The following IL16 variants were observed in gnomAD, a reference collection of about 807,000 sequenced individuals.
IL16 encodes the protein pro-interleukin-16.
A neutral mutation model predicts 110.1 loss-of-function variants in IL16; 67 were observed. That is an observed-to-expected ratio of 0.61 (90% CI 0.50 to 0.75). IL16 has a LOEUF of 0.75. Ranked by LOEUF, IL16 falls within the 30% of genes least tolerant of loss-of-function variation. The pLI, the probability that IL16 is intolerant of heterozygous loss-of-function variation, is 0.00. For missense variants in IL16, 1,545 were observed against 1,655.0 expected (o/e 0.93, Z 1.15); for synonymous variants, 689 against 662.9 (o/e 1.04, Z -0.61).
chr15:81,302,558 C>G (rs1321596069), intron 15 of IL16, among the ~76,000 whole-genome samples: 1 of 152,064 alleles, frequency 6.6e-6, no homozygotes, highest in East Asian at 1.9e-4. Context: ...GCCTTTGGGT[C>G]TTAGGGGCTC....
chr15:81,225,228 C>G (rs955647189), intron 1 of IL16, 71 bp from the exon 2 acceptor site: 4 of 1,304,242 alleles, frequency 3.1e-6, no homozygotes, highest in South Asian at 1.5e-5. Flanking sequence ...GGCTCAGATC[C>G]AGGACTCGTG....
At chr15:81,283,186 A>C (rs1899271593) in intron 9 of IL16, among the ~76,000 whole-genome samples, 1 of 152,190 alleles carries the variant, frequency 6.6e-6, no homozygotes, top group Non-Finnish European at 1.5e-5. Flanking sequence ...TGTGGCCAGC[A>C]CACCCCTGAC....
chr15:81,247,646 G>GGC (rs1555417579), intron 2 of IL16, among the ~76,000 whole-genome samples: 1 of 152,048 alleles, frequency 6.6e-6, no homozygotes, highest in Non-Finnish European at 1.5e-5. Context: ...ACATTGCTAT[G>GGC]GTGTGTGTGT....
At chr15:81,279,873 A>ATGT in intron 8 of IL16, 99 bp downstream of exon 8, 2 of 1,033,950 alleles carry the variant, frequency 1.9e-6, no homozygotes, top group Admixed American at 2.2e-5. Context: ...GTAGGGCAGG[A>ATGT]TGTTGTCTTT....
chr15:81,295,360 G>T, intron 12 of IL16: 1 of 1,222,846 alleles, frequency 8.2e-7, no homozygotes, highest in Non-Finnish European at 1.1e-6. Flanking sequence ...CCCATGAAGA[G>T]GATGCAATAT....
intron 2 of IL16, among the ~76,000 whole-genome samples, chr15:81,227,877 G>C (rs1445261766): frequency 6.6e-6 from 1 of 152,110 alleles, no homozygotes; most frequent in African/African-American, 2.4e-5. Flanking sequence ...GAGAGAATGA[G>C]AGAAGTAAAC....
At chr15:81,276,154 C>T (rs1898898372) in intron 6 of IL16, among the ~76,000 whole-genome samples, 1 of 152,190 alleles carries the variant, frequency 6.6e-6, no homozygotes, top group South Asian at 2.1e-4. Flanking sequence ...GACTTGGAGT[C>T]TCACAATGAC....
chr15:81,286,987 A>G (rs11635611), intron 10 of IL16, among the ~76,000 whole-genome samples: 24,340 of 152,204 alleles, frequency 0.16, 2,254 homozygotes, highest in Middle Eastern at 0.24. Flanking sequence ...CTTATTCACT[A>G]TCATGAGAAC....
At chr15:81,297,109 AGGGTCTTTT>A in intron 13 of IL16, 31 bp downstream of exon 13, 2 of 1,594,516 alleles carry the variant, frequency 1.3e-6, no homozygotes, top group Non-Finnish European at 8.5e-7. Context: ...TCCAAAAGGA[AGGGTCTTTT>A]GAAAAAAGGT....
intron 1 of IL16, among the ~76,000 whole-genome samples, chr15:81,202,787 G>A (rs1470600447): frequency 2.0e-4 from 31 of 152,124 alleles, no homozygotes; most frequent in African/African-American, 1.2e-4. Flanking sequence ...ATAAACATAC[G>A]TGTGCATGTG....
intron 2 of IL16, among the ~76,000 whole-genome samples, chr15:81,229,610 C>T (rs977482561): frequency 3.3e-5 from 5 of 152,108 alleles, no homozygotes; most frequent in Non-Finnish European, 7.4e-5. Flanking sequence ...TTTCAGTTGC[C>T]TAAGCAAGTC....
At chr15:81,212,130 C>CTT (rs143918836) in intron 1 of IL16, among the ~76,000 whole-genome samples, 4 of 145,884 alleles carry the variant, frequency 2.7e-5, no homozygotes, top group South Asian at 2.2e-4. Flanking sequence ...TTGTCTAGGG[C>CTT]TTTTTTTTTT....
At chr15:81,244,565 G>A (rs1230733861) in intron 2 of IL16, among the ~76,000 whole-genome samples, 1 of 151,954 alleles carries the variant, frequency 6.6e-6, no homozygotes, top group East Asian at 1.9e-4. Flanking sequence ...TCTGAATTGA[G>A]TTTCCTTTAT....
At chr15:81,261,365 G>A (rs986274695) in intron 3 of IL16, among the ~76,000 whole-genome samples, 8 of 152,262 alleles carry the variant, frequency 5.3e-5, no homozygotes, top group Admixed American at 3.3e-4. Context: ...TGGCTCCCTG[G>A]CATCCCCAGG....
Position 81,265,737 on chromosome 15 carries a change from A to ACTCT in IL16, c.505_508dup (p.Cys170SerfsTer4), listed in dbSNP as rs1898349764. ...GCAGCGCCCACGGACAGGCAGCCTT[A>ACTCT]CTCTCTCTGCAGTAACAGGAAGTCC... On this transcript the variant is annotated frameshift_variant, in exon 4 of 19. Transcript: ENST00000683961. LOFTEE classifies it high-confidence loss of function. The ACTCT allele has an allele frequency of 1.9e-6, 3 of 1,613,800 alleles. No homozygotes were observed. The South Asian group carries it at 3.3e-5, about 18-fold the overall frequency.
intron 2 of IL16, among the ~76,000 whole-genome samples, chr15:81,258,134 G>C (rs1898015831): frequency 6.6e-6 from 1 of 152,070 alleles, no homozygotes; most frequent in Non-Finnish European, 1.5e-5. Flanking sequence ...AGAATAACCA[G>C]AAAACAGCTT....
At chr15:81,190,542 T>C (rs1292826619) in intron 1 of IL16, among the ~76,000 whole-genome samples, 3 of 152,128 alleles carry the variant, frequency 2.0e-5, no homozygotes, top group Non-Finnish European at 4.4e-5. Flanking sequence ...CTCCCTTTCT[T>C]ATAAGAAAAA....
chr15:81,215,709 G>A (rs980219048), intron 1 of IL16, among the ~76,000 whole-genome samples: 6 of 152,182 alleles, frequency 3.9e-5, no homozygotes, highest in Admixed American at 2.0e-4. Flanking sequence ...GGGAGGCATA[G>A]CTTGTTCCCA....
chr15:81,238,770 G>T (rs1457478153), intron 2 of IL16, among the ~76,000 whole-genome samples: 1 of 149,122 alleles, frequency 6.7e-6, no homozygotes, highest in Non-Finnish European at 1.5e-5. Context: ...CTTTGTATTT[G>T]AAGAATTTCC....
Sources: allele counts gnomAD v4.1 joint callset (sites outside exome capture counted in the v4.1 genomes callset), GRCh38; gene constraint gnomAD v4.1.1; transcripts MANE v1.5; gene names NCBI Gene and HGNC (gene_info 2026-07-23, HGNC 2026-07-21).